ZFHX3: variants seen among roughly 807,000 people sequenced by gnomAD.
The protein encoded by ZFHX3 is zinc finger homeobox 3.
Under a neutral mutation model 279.1 loss-of-function variants are expected in ZFHX3, and 42 were observed. That is an observed-to-expected ratio of 0.15 (90% CI 0.12 to 0.19). ZFHX3 has a LOEUF of 0.19. Ranked by LOEUF, ZFHX3 falls within the 10% of genes least tolerant of loss-of-function variation. The pLI, the probability that ZFHX3 is intolerant of heterozygous loss-of-function variation, is 1.00. For missense variants in ZFHX3, 4,981 were observed against 4,754.0 expected (o/e 1.05, Z -1.40); for synonymous variants, 2,293 against 1,957.8 (o/e 1.17, Z -4.52).
intron 4 of ZFHX3, among the ~76,000 whole-genome samples, chr16:73,305,392 C>T (rs1466291215): frequency 6.6e-6 from 1 of 152,034 alleles, no homozygotes; most frequent in African/African-American, 2.4e-5. Flanking sequence ...TGGTAAGATA[C>T]CGGGCAATCA....
intron 1 of ZFHX3, among the ~76,000 whole-genome samples, chr16:73,863,249 A>G (rs1043857375): frequency 1.3e-5 from 2 of 152,182 alleles, no homozygotes; most frequent in Non-Finnish European, 2.9e-5. Context: ...TAGTAGAAGC[A>G]GTCCCTAGAG....
At chr16:73,080,978 T>C (rs1366893522) in intron 8 of ZFHX3, among the ~76,000 whole-genome samples, 1 of 152,230 alleles carries the variant, frequency 6.6e-6, no homozygotes, top group Non-Finnish European at 1.5e-5. Flanking sequence ...CCCGAGTTTG[T>C]GCAGATGGGT....
At chr16:72,858,409 C>G (rs2037804241) in intron 4 of ZFHX3, among the ~76,000 whole-genome samples, 1 of 151,988 alleles carries the variant, frequency 6.6e-6, no homozygotes, top group East Asian at 1.9e-4. Flanking sequence ...TTAAACATAG[C>G]CGGCAAAACA....
At chr16:73,352,756 G>A (rs1460052121) in intron 3 of ZFHX3, among the ~76,000 whole-genome samples, 1 of 151,968 alleles carries the variant, frequency 6.6e-6, no homozygotes, top group Non-Finnish European at 1.5e-5. Flanking sequence ...TTTAAGTAAG[G>A]GACACAACTA....
At chr16:73,183,442 T>C (rs1217323268) in intron 5 of ZFHX3, among the ~76,000 whole-genome samples, 1 of 152,234 alleles carries the variant, frequency 6.6e-6, no homozygotes, top group African/African-American at 2.4e-5. Flanking sequence ...GCTTGCTCTC[T>C]GGTCCTTTTG....
chr16:73,273,548 C>T (rs1349057926), intron 4 of ZFHX3, among the ~76,000 whole-genome samples: 4 of 152,076 alleles, frequency 2.6e-5, no homozygotes, highest in East Asian at 1.9e-4. Flanking sequence ...CTTTTCTTTA[C>T]GCAAAGGACT....
At chr16:73,122,757 G>T (rs1194745925) in intron 7 of ZFHX3, among the ~76,000 whole-genome samples, 1 of 152,128 alleles carries the variant, frequency 6.6e-6, no homozygotes, top group Admixed American at 6.6e-5. Context: ...ACGAAGTGAG[G>T]AGAGCAGGAA....
intron 2 of ZFHX3, among the ~76,000 whole-genome samples, chr16:73,507,883 T>C (rs990789519): frequency 1.3e-5 from 2 of 152,162 alleles, no homozygotes; most frequent in African/African-American, 4.8e-5. Context: ...AATGGAATCA[T>C]TATAATGAGT....
chr16:73,472,278 A>AAC (rs1330758857), intron 2 of ZFHX3, among the ~76,000 whole-genome samples: 5 of 151,728 alleles, frequency 3.3e-5, no homozygotes, highest in African/African-American at 1.2e-4. Context: ...TAAAAAAAAA[A>AAC]AAAAAAAAAC....
intron 1 of ZFHX3, among the ~76,000 whole-genome samples, chr16:73,757,983 G>C (rs958179295): frequency 5.3e-5 from 8 of 152,164 alleles, no homozygotes; most frequent in African/African-American, 1.9e-4. Flanking sequence ...AGCTCCTTAA[G>C]CATAAGTTTC....
chr16:73,033,011 A>G (rs560212337), intron 1 of ZFHX3, among the ~76,000 whole-genome samples: 7 of 152,178 alleles, frequency 4.6e-5, no homozygotes, highest in Non-Finnish European at 1.0e-4. Flanking sequence ...GGAAGAAGGT[A>G]GATGCATGGA....
At chr16:72,819,616 G>A (rs1475466636) in intron 5 of ZFHX3, among the ~76,000 whole-genome samples, 2 of 152,172 alleles carry the variant, frequency 1.3e-5, no homozygotes, top group Non-Finnish European at 2.9e-5. Flanking sequence ...TAGGAACCAC[G>A]CTGCTTTGTG....
chr16:73,472,774 T>C (rs1356276942), intron 2 of ZFHX3, among the ~76,000 whole-genome samples: 2 of 152,168 alleles, frequency 1.3e-5, no homozygotes, highest in Admixed American at 6.5e-5. Context: ...GGGCAGTAGC[T>C]GTGTCCCTTT....
rs933623382 is a variant in ZFHX3, at chr16:73,130,871, G to C, written c.-897+97C>G. On this transcript the variant is annotated intron_variant, in intron 7 of 17. Transcript: ENST00000641206. ...GATCCACCTGCCTCGGCCTCCCAAA[G>C]TGCTGGGATCACAGGGGTGAGCCAA... The C allele has an allele frequency of 7.4e-6, 8 of 1,077,688 alleles. No homozygotes were observed. In the African/African-American group the frequency reaches 1.3e-4, roughly 18 times the overall value. The allele number at this position is 1,077,688 out of a possible 1,614,324, so 66.8% of individuals were successfully genotyped here.
chr16:72,803,423 G>C (rs1302399424), intron 7 of ZFHX3, among the ~76,000 whole-genome samples: 1 of 152,160 alleles, frequency 6.6e-6, no homozygotes, highest in Non-Finnish European at 1.5e-5. Context: ...GTAGGTTTAT[G>C]AGAAGACAAA....
Position 72,890,828 on chromosome 16 carries a change from A to T in ZFHX3, c.3217-866T>A, listed in dbSNP as rs905785508. 5.3e-5 allele frequency among the ~76,000 whole-genome samples: 8 copies of T among 152,258 alleles called. No individual in the cohort carries two copies. The South Asian group carries it at 8.3e-4, about 16-fold the overall frequency. ...CACAGCCACGTCCATTGATTTACAT[A>T]CTGTCTATGGATGTTTTTGAAACAT... is the stretch of plus-strand genomic sequence containing the variant. On this transcript the variant is annotated intron_variant, in intron 3 of 9. Coordinates refer to ENST00000268489, the MANE Select transcript of ZFHX3 (RefSeq NM_006885.4).
chr16:73,173,531 C>T (rs1031896323), intron 5 of ZFHX3, among the ~76,000 whole-genome samples: 1 of 152,040 alleles, frequency 6.6e-6, no homozygotes, highest in African/African-American at 2.4e-5. Context: ...TTTCCTCCAC[C>T]TCATTCTTTT....
chr16:73,167,830 G>T (rs372833136), intron 5 of ZFHX3, among the ~76,000 whole-genome samples: 1 of 152,120 alleles, frequency 6.6e-6, no homozygotes, highest in Non-Finnish European at 1.5e-5. Context: ...TCACCTACCC[G>T]CTTGAACCTT....
At chr16:73,165,691 C>A (rs1485354982) in intron 5 of ZFHX3, among the ~76,000 whole-genome samples, 2 of 152,144 alleles carry the variant, frequency 1.3e-5, no homozygotes, top group Non-Finnish European at 2.9e-5. Context: ...AAGCAAGAGC[C>A]TAGCTGTGGG....
Sources: gnomAD v4.1 joint callset for allele counts (sites outside exome capture counted in the v4.1 genomes callset) on GRCh38, gnomAD v4.1.1 for gene constraint, MANE v1.5 for transcripts, NCBI Gene and HGNC (gene_info 2026-07-23, HGNC 2026-07-21) for gene names.